Variants in NUMA1 observed in about 807,000 individuals in gnomAD.
NUMA1 encodes the protein SP-H antigen.
NUMA1 carries 62 observed loss-of-function variants against 237.1 expected under a neutral mutation model. The observed-to-expected ratio is 0.26, with a 90% CI of 0.21 to 0.32. The LOEUF is 0.32. NUMA1 is among the 10% of genes least tolerant of loss of function. The pLI, the probability that NUMA1 is intolerant of heterozygous loss-of-function variation, is 1.00. For missense variants in NUMA1, 2,533 were observed against 2,666.5 expected, an observed-to-expected ratio of 0.95 and a Z score of 1.10; for synonymous variants, 1,028 against 1,066.1, an observed-to-expected ratio of 0.96 and a Z score of 0.70.
At chr11:72,018,375 G>A (rs769443340) in intron 11 of NUMA1, 21 bp downstream of exon 11, 4 of 1,608,958 alleles carry the variant, frequency 2.5e-6, no homozygotes, top group Middle Eastern at 1.7e-4. Flanking sequence ...GGCCTGGGAA[G>A]GAATGCAGGG....
chr11:72,035,152 C>T (rs1940853371), intron 3 of NUMA1, among the ~76,000 whole-genome samples: 1 of 152,044 alleles, frequency 6.6e-6, no homozygotes, highest in South Asian at 2.1e-4. Context: ...CCACCACATC[C>T]AGCCTCTCTA....
chr11:72,028,034 G>A (rs1013388575), intron 4 of NUMA1, among the ~76,000 whole-genome samples: 1 of 152,174 alleles, frequency 6.6e-6, no homozygotes, highest in Non-Finnish European at 1.5e-5. Flanking sequence ...AGAGCCATAT[G>A]GAATATTAAA....
Position 72,010,797 on chromosome 11 carries a change from G to A in NUMA1, c.4708C>T (p.Gln1570Ter). The A allele has an allele frequency of 6.2e-7, 1 of 1,613,450 alleles. No individual in the cohort carries two copies. The highest frequency in any genetic ancestry group is 8.5e-7 in the Non-Finnish European group (1 of 1,179,910). ...CCCAGCTGCCCCACCTTCAGCTTCT[G>A]CTGCTGCACCTTGCTGGCTTGGTCA... is the stretch of plus-strand genomic sequence containing the variant. ...DSDQASKVQQ[Q>*]KLKAVQAQGG... is the part of the protein sequence containing the mutation. The change falls in exon 17 of 27, where the codon CAG (glutamine) becomes TAG (stop). Residue 1570 changes from glutamine to a stop codon, truncating the protein, a stop_gained. Coordinates refer to ENST00000393695, the MANE Select transcript of NUMA1 (RefSeq NM_006185.4). LOFTEE classifies it high-confidence loss of function.
rs145842252 is a variant in NUMA1, at chr11:72,003,960, G to A, written c.6263C>T (p.Pro2088Leu). Residue 2088 changes from proline to leucine, a missense_variant, in exon 26 of 27, where the codon CCG (proline) becomes CTG (leucine). Physicochemically the swap from Pro to Leu is moderately conservative, Grantham distance 98 (BLOSUM62 -3). Around this residue, in one of 3 missense-constraint regions of NUMA1, gnomAD observed 795 missense variants for 750.8 expected, o/e 1.06. Transcript: ENST00000393695. ...PNTRSGTRRS[P>L]RIATTTASAA... ...GCTGGCTGTGGTGGTGGCAATGCGC[G>A]GAGAACGGCGGGTTCCACTGCGAGT... 5.7e-5 allele frequency: 92 copies of A among 1,613,298 alleles called. No individual in the cohort carries two copies. Among genetic ancestry groups the A allele is most frequent in the African/African-American group, 2.9e-4 (22 of 74,902 alleles).
chr11:72,013,627 C>G lies in NUMA1; in HGVS notation c.3876G>C (p.Glu1292Asp). ...CCTCCTCCCGGAGGCTCTGCACCTC[C>G]TCCCGCAGAGCAGAGCTGCGTTCTG... is the stretch of plus-strand genomic sequence containing the variant. The part of the protein sequence containing the change: ...RAAERSSALR[E>D]EVQSLREEAE... Residue 1292 changes from glutamate to aspartate, a missense_variant, in exon 15 of 27, where the codon GAG becomes GAC. Physicochemically the swap from Glu to Asp is conservative, Grantham distance 45. Around this residue, in one of 3 missense-constraint regions of NUMA1, gnomAD observed 324 missense variants for 407.6 expected, o/e 0.79. Coordinates refer to ENST00000393695, the MANE Select transcript of NUMA1 (RefSeq NM_006185.4). This position sits in a 1 kb window ranked among gnomAD's most constrained non-coding sequence, Gnocchi z 6.8. 1.9e-6 allele frequency: 3 copies of G among 1,610,702 alleles called. No individual in the cohort carries two copies. The highest frequency in any genetic ancestry group is 1.7e-6 in the Non-Finnish European group (2 of 1,179,988).
intron 3 of NUMA1, among the ~76,000 whole-genome samples, chr11:72,035,454 C>T (rs1940904470): frequency 6.6e-6 from 1 of 151,500 alleles, no homozygotes; most frequent in Non-Finnish European, 1.5e-5. Flanking sequence ...GTTGCCCAGG[C>T]TGGAGTGCAA....
At chr11:72,010,752 C>G in intron 17 of NUMA1, 34 bp downstream of exon 17, 1 of 1,606,042 alleles carries the variant, frequency 6.2e-7, no homozygotes, top group South Asian at 1.1e-5. Context: ...CCTCCCTTGT[C>G]CAGAGGCCAG....
chr11:72,045,858 A>T (rs1363019670), intron 2 of NUMA1, among the ~76,000 whole-genome samples: 1 of 152,164 alleles, frequency 6.6e-6, no homozygotes, highest in African/African-American at 2.4e-5. Flanking sequence ...GCCTGCTAAA[A>T]CTGCCCTGGC....
rs535795508 is a variant in NUMA1, at chr11:72,054,110, C to T, written c.-33+15732G>A. 7.2e-5 allele frequency among the ~76,000 whole-genome samples: 11 copies of T among 152,236 alleles called. No homozygotes were observed. The South Asian group carries it at 1.2e-3, about 17-fold the overall frequency. On this transcript the variant is annotated intron_variant, in intron 2 of 26. Transcript: ENST00000393695. ...TGAGAAAAGGAAAATTCTTGAAGCACCTCTAAATTTCCTAGCTTGAGTGAA... is the reference window on the plus strand; with the variant it reads ...TGAGAAAAGGAAAATTCTTGAAGCATCTCTAAATTTCCTAGCTTGAGTGAA...
At position 72,010,687 on chromosome 11, in the gene NUMA1, T is replaced by C. The variant is rs140666213; in HGVS notation, c.4719+99A>G. On this transcript the variant is annotated intron_variant, in intron 17 of 26. Transcript: ENST00000393695. The stretch of plus-strand genomic sequence containing the variant: ...TAGGAGGGCTACCTGGAATGCAGGG[T>C]GCCCCTCTTCTGCCCCGACACCCCC... The C allele has an allele frequency of 4.9e-4, 551 of 1,134,662 alleles. 5 individuals are homozygous for C. In the East Asian group the frequency reaches 0.012, roughly 25 times the overall value. The allele number at this position is 1,134,662 out of a possible 1,614,324, so 70.3% of individuals were successfully genotyped here. A position where few individuals can be genotyped will look rare whatever the true frequency, so the allele number is the denominator to read the frequency against.
At chr11:72,052,501 C>A (rs1481077832) in intron 2 of NUMA1, among the ~76,000 whole-genome samples, 1 of 152,154 alleles carries the variant, frequency 6.6e-6, no homozygotes, top group Non-Finnish European at 1.5e-5. Flanking sequence ...GGGGCGGTGG[C>A]TCACGCCTGT....
chr11:72,020,464 G>A (rs892602456), intron 8 of NUMA1: 3 of 152,220 alleles, frequency 2.0e-5, no homozygotes, highest in Non-Finnish European at 4.4e-5. Context: ...TTCTACTGTA[G>A]TACCAGCCGA....
In NUMA1 at chr11:72,069,790, A is replaced by T. The variant is rs905550278; in HGVS notation, c.-33+52T>A. On this transcript the variant is annotated intron_variant, in intron 2 of 26. Coordinates refer to ENST00000393695, the MANE Select transcript of NUMA1 (RefSeq NM_006185.4). ...AAAGTAAATGGTAGAGATCCTGCTCAGGACAAAGCTGACCTATGAAAAACT... is the reference window on the plus strand; with the variant it reads ...AAAGTAAATGGTAGAGATCCTGCTCTGGACAAAGCTGACCTATGAAAAACT... 4 of 152,390 alleles carry T rather than the reference A, an allele frequency of 2.6e-5. No individual in the cohort carries two copies. In the South Asian group the frequency reaches 8.3e-4, roughly 32 times the overall value. The allele number at this position is 152,390 out of a possible 1,614,324, so 9.4% of individuals were successfully genotyped here.
In NUMA1 at chr11:72,014,851, T is replaced by C. The variant is rs770135091; in HGVS notation, c.2652A>G (p.Ala884=). 4.3e-6 allele frequency: 7 copies of C among 1,614,068 alleles called. No homozygotes were observed. Among genetic ancestry groups the C allele is most frequent in the African/African-American group, 2.7e-5 (2 of 74,932 alleles). The change falls in exon 15 of 27, where the codon GCA becomes GCG. Residue 884 remains alanine (A), a synonymous_variant. Transcript: ENST00000393695. The surrounding 1 kb of genome is among the most constrained non-coding windows in gnomAD (Gnocchi z 4.6). Reference sequence around the variant, plus strand: ...CTTCCTTCTCTTGGACCTGCTGGAGTGCTCTGGCCAGGTTGGCATGGAGCT... The same window carrying C: ...CTTCCTTCTCTTGGACCTGCTGGAGCGCTCTGGCCAGGTTGGCATGGAGCT... ...LAELHANLAR[A]LQQVQEKEVR...
At chr11:72,012,466 G>A in intron 15 of NUMA1, 24 bp from the exon 16 acceptor site, 2 of 1,609,570 alleles carry the variant, frequency 1.2e-6, no homozygotes, top group Non-Finnish European at 1.7e-6. Context: ...AGGAGCAACA[G>A]AGACAGAGTG....
chr11:72,061,511 GAC>G (rs1942945411), intron 2 of NUMA1, among the ~76,000 whole-genome samples: 1 of 11,920 alleles, frequency 8.4e-5, no homozygotes, highest in Non-Finnish European at 2.9e-4. Flanking sequence ...TTTTTTTTGA[GAC>G]AGAGCCTCAT....
chr11:72,016,454 T>C lies in NUMA1; in HGVS notation c.1196A>G (p.Asp399Gly). 6.2e-7 allele frequency: 1 copy of C among 1,614,126 alleles called. No individual in the cohort carries two copies. Among genetic ancestry groups the C allele is most frequent in the Non-Finnish European group, 8.5e-7 (1 of 1,180,042 alleles). ...CTCGCCCTTCTCCTGGGGTGGGTTA[T>C]CCTGCAGCTGGGACAAGTGTTCTTC... ...QLEEHLSQLQ[D>G]NPPQEKGEVL... is the part of the protein sequence containing the mutation. The change falls in exon 14 of 27, where the codon GAT (aspartate) becomes GGT (glycine). Residue 399 changes from aspartate to glycine, a missense_variant. By Grantham distance (94) the Asp-to-Gly change is moderately conservative (BLOSUM62 -1). Around this residue, in one of 3 missense-constraint regions of NUMA1, gnomAD observed 1,414 missense variants for 1,508.1 expected, o/e 0.94. Transcript: ENST00000393695.
intron 21 of NUMA1, 79 bp downstream of exon 21, chr11:72,007,110 G>A: frequency 1.3e-6 from 2 of 1,539,558 alleles, no homozygotes; most frequent in Non-Finnish European, 1.8e-6. Flanking sequence ...CCCTGCTCCT[G>A]ACTGAGTGCC....
chr11:72,013,402 G>A lies in NUMA1; in HGVS notation c.4101C>T (p.Cys1367=). 1.2e-6 allele frequency: 2 copies of A among 1,612,622 alleles called. No homozygotes were observed. The highest frequency in any genetic ancestry group is 3.3e-5 in the Admixed American group (2 of 60,002). The change falls in exon 15 of 27, where the codon TGC becomes TGT. Residue 1367 remains cysteine, a synonymous_variant. Transcript: ENST00000393695. This position sits in a 1 kb window ranked among gnomAD's most constrained non-coding sequence, Gnocchi z 6.8. ...CGGCCTGCTCGGCCTGCAGCTGCTGGCAGAGGTGCTTAGCTGGCAGCAGCT... is the reference window on the plus strand; with the variant it reads ...CGGCCTGCTCGGCCTGCAGCTGCTGACAGAGGTGCTTAGCTGGCAGCAGCT... ...VSELLPAKHL[C]QQLQAEQAAA...
Sources: allele counts gnomAD v4.1 joint callset (sites outside exome capture counted in the v4.1 genomes callset), GRCh38; gene constraint gnomAD v4.1.1; regional missense constraint gnomAD v4.1.1; non-coding constraint Gnocchi (gnomAD v3.1); transcripts MANE v1.5; gene names NCBI Gene and HGNC (gene_info 2026-07-23, HGNC 2026-07-21).